THSD4: variants seen among roughly 807,000 people sequenced by gnomAD.
THSD4 encodes the protein thrombospondin type 1 domain containing 4, also known as thrombospondin type-1 domain-containing protein 4.
A neutral mutation model predicts 119.0 loss-of-function variants in THSD4; 69 were observed. That is an observed-to-expected ratio of 0.58 (90% confidence interval 0.48 to 0.71). The LOEUF (loss-of-function observed/expected upper bound fraction) is 0.71, where lower values mean the gene tolerates loss of function less well. Ranked by LOEUF, THSD4 falls within the 30% of genes least tolerant of loss-of-function variation. The pLI is 0.00. For synonymous variants in THSD4, 524 were observed against 540.4 expected (o/e 0.97, Z 0.42); for missense variants, 1,393 against 1,391.1 (o/e 1.00, Z -0.02).
At chr15:71,492,101 G>A (rs1208232599) in intron 7 of THSD4, among the ~76,000 whole-genome samples, 2 of 151,718 alleles carry the variant, frequency 1.3e-5, no homozygotes, top group African/African-American at 4.8e-5. Flanking sequence ...CTGTTTTCTC[G>A]GTGGTCTGTG....
chr15:71,173,629 A>G (rs113904721), intron 3 of THSD4, among the ~76,000 whole-genome samples: 10 of 151,004 alleles, frequency 6.6e-5, no homozygotes, highest in African/African-American at 2.2e-4. Context: ...TTATACATAT[A>G]TATGGACAAT....
chr15:71,342,136 TAA>T (rs59764881), intron 6 of THSD4, among the ~76,000 whole-genome samples: 2 of 149,250 alleles, frequency 1.3e-5, no homozygotes, highest in African/African-American at 4.9e-5. Context: ...CGCTTCTTCA[TAA>T]AAAAAAAAGG....
chr15:71,209,342 C>T (rs2043870630), intron 3 of THSD4, among the ~76,000 whole-genome samples: 1 of 152,190 alleles, frequency 6.6e-6, no homozygotes, highest in East Asian at 1.9e-4. Flanking sequence ...ATCCACTAGA[C>T]CACACGGACA....
At chr15:71,356,944 G>T (rs2045822732) in intron 6 of THSD4, among the ~76,000 whole-genome samples, 2 of 152,186 alleles carry the variant, frequency 1.3e-5, no homozygotes, top group African/African-American at 4.8e-5. Flanking sequence ...CAGCCCAAGG[G>T]GTAGCAGAGA....
chr15:71,121,167 C>A (rs1165392637), intron 1 of THSD4, among the ~76,000 whole-genome samples: 1 of 152,172 alleles, frequency 6.6e-6, no homozygotes, highest in Non-Finnish European at 1.5e-5. Context: ...CACCTCCTTT[C>A]CCCGGCCAGG....
chr15:71,314,330 C>A (rs1051776036), intron 6 of THSD4, among the ~76,000 whole-genome samples: 1 of 151,700 alleles, frequency 6.6e-6, no homozygotes, highest in African/African-American at 2.4e-5. Context: ...TTATTGGCGG[C>A]GGAGTCTCAC....
At chr15:71,732,556 C>T (rs553756472) in intron 10 of THSD4, 2 of 152,300 alleles carry the variant, frequency 1.3e-5, no homozygotes, top group East Asian at 3.9e-4. Context: ...CACATTGAGT[C>T]CTTGCTGTGT....
intron 6 of THSD4, among the ~76,000 whole-genome samples, chr15:71,350,530 C>T (rs1335976882): frequency 2.0e-5 from 3 of 151,954 alleles, no homozygotes; most frequent in African/African-American, 7.3e-5. Flanking sequence ...TGTTGCAACT[C>T]CTAAAAGTGA....
At chr15:71,219,764 A>G (rs1567161307) in intron 4 of THSD4, among the ~76,000 whole-genome samples, 2 of 152,208 alleles carry the variant, frequency 1.3e-5, no homozygotes, top group Non-Finnish European at 2.9e-5. Context: ...TTTTATAAAC[A>G]ATGAAACCGA....
At chr15:71,164,791 T>A (rs1349356041) in intron 3 of THSD4, 53 of 1,595,302 alleles carry the variant, frequency 3.3e-5, no homozygotes, top group South Asian at 1.4e-4. Flanking sequence ...CATCATCTTC[T>A]TCTTCATCTT....
chr15:71,358,112 A>G (rs919841965), intron 6 of THSD4, among the ~76,000 whole-genome samples: 1 of 152,208 alleles, frequency 6.6e-6, no homozygotes, highest in African/African-American at 2.4e-5. Context: ...TGCCTGTAGC[A>G]CGGTCTTCCT....
chr15:71,441,673 G>A (rs1175101635), intron 7 of THSD4, among the ~76,000 whole-genome samples: 3 of 151,876 alleles, frequency 2.0e-5, no homozygotes, highest in South Asian at 2.1e-4. Context: ...CATTACAGGC[G>A]TGAGCCACCA....
At chr15:71,368,411 G>A (rs1169416767) in intron 6 of THSD4, among the ~76,000 whole-genome samples, 1 of 152,174 alleles carries the variant, frequency 6.6e-6, no homozygotes, top group Non-Finnish European at 1.5e-5. Flanking sequence ...GGTTTTTATG[G>A]TTTTAGGTCT....
intron 6 of THSD4, among the ~76,000 whole-genome samples, chr15:71,269,705 C>T (rs1480998536): frequency 6.6e-6 from 1 of 152,118 alleles, no homozygotes; most frequent in Non-Finnish European, 1.5e-5. Context: ...AAAACCCCAT[C>T]GTCTTAACCC....
intron 6 of THSD4, among the ~76,000 whole-genome samples, chr15:71,263,419 G>C (rs372401779): frequency 1.9e-4 from 29 of 151,084 alleles, no homozygotes; most frequent in African/African-American, 6.6e-4. Context: ...ATTGTGAATA[G>C]TGCCAATGAA....
chr15:71,125,645 C>T (rs1007186864), intron 1 of THSD4, among the ~76,000 whole-genome samples: 2 of 152,172 alleles, frequency 1.3e-5, no homozygotes, highest in African/African-American at 2.4e-5. Context: ...GCCCCAGGTC[C>T]GAAGAAGGCG....
chr15:71,443,354 C>T (rs2047135423), intron 7 of THSD4, among the ~76,000 whole-genome samples: 1 of 152,130 alleles, frequency 6.6e-6, no homozygotes, highest in South Asian at 2.1e-4. Context: ...TGAAGCTATC[C>T]TTTCTCTCTG....
intron 11 of THSD4, among the ~76,000 whole-genome samples, chr15:71,742,502 TC>T (rs969964015): frequency 2.0e-5 from 3 of 152,124 alleles, no homozygotes; most frequent in Non-Finnish European, 4.4e-5. Flanking sequence ...TGTGTACAGT[TC>T]CCCCCTTCAA....
At chr15:71,637,685 A>G (rs923598771) in intron 7 of THSD4, among the ~76,000 whole-genome samples, 9 of 150,282 alleles carry the variant, frequency 6.0e-5, no homozygotes, top group African/African-American at 2.2e-4. Context: ...TTTCATGGGT[A>G]CAGAGTAGAG....
Sources: gnomAD v4.1 joint callset for allele counts (sites outside exome capture counted in the v4.1 genomes callset) on GRCh38, gnomAD v4.1.1 for gene constraint, MANE v1.5 for transcripts, NCBI Gene and HGNC (gene_info 2026-07-23, HGNC 2026-07-21) for gene names.